The following DCC variants were observed in gnomAD, a reference collection of about 807,000 sequenced individuals.
DCC encodes DCC netrin 1 receptor, also known as netrin receptor DCC.
A neutral mutation model predicts 172.5 loss-of-function variants in DCC; 58 were observed. That is an observed-to-expected ratio of 0.34 (90% CI 0.27 to 0.42). DCC has a LOEUF of 0.42. DCC is among the 10% of genes least tolerant of loss of function. DCC has a pLI of 1.00. For synonymous variants in DCC, 709 were observed against 644.5 expected, an observed-to-expected ratio of 1.10 and a Z score of -1.52; for missense variants, 1,740 against 1,791.0, an observed-to-expected ratio of 0.97 and a Z score of 0.51.
chr18:52,589,116 T>C (rs1007049733), intron 1 of DCC, among the ~76,000 whole-genome samples: 1 of 152,204 alleles, frequency 6.6e-6, no homozygotes, highest in East Asian at 1.9e-4. Context: ...TTGAAAATAA[T>C]GTGACTGATG....
chr18:53,257,169 T>G (rs1182263439), intron 12 of DCC, among the ~76,000 whole-genome samples: 6 of 152,212 alleles, frequency 3.9e-5, no homozygotes, highest in Non-Finnish European at 7.3e-5. Context: ...CAGGGACAAT[T>G]GGACTTCCTC....
chr18:52,851,901 A>G (rs1568145520), intron 2 of DCC, among the ~76,000 whole-genome samples: 1 of 152,142 alleles, frequency 6.6e-6, no homozygotes, highest in Non-Finnish European at 1.5e-5. Context: ...CAGACACCAG[A>G]TAATCATCTT....
intron 15 of DCC, among the ~76,000 whole-genome samples, chr18:53,370,767 T>C (rs2058053041): frequency 6.6e-6 from 1 of 151,890 alleles, no homozygotes; most frequent in East Asian, 1.9e-4. Context: ...TGAAACTTAC[T>C]TAATAGGATA....
At chr18:53,157,550 C>T in intron 8 of DCC, 38 bp downstream of exon 8, 1 of 1,608,720 alleles carries the variant, frequency 6.2e-7, no homozygotes, top group Non-Finnish European at 8.5e-7. Flanking sequence ...CTTAATCGGT[C>T]ATCTCTTTAA....
chr18:52,721,410 G>T (rs1226156179), intron 1 of DCC, among the ~76,000 whole-genome samples: 1 of 152,178 alleles, frequency 6.6e-6, no homozygotes, highest in Non-Finnish European at 1.5e-5. Flanking sequence ...TAACAGGACA[G>T]TGAGGGGTTA....
intron 7 of DCC, among the ~76,000 whole-genome samples, chr18:53,147,680 G>C (rs1474412501): frequency 6.6e-6 from 1 of 152,092 alleles, no homozygotes; most frequent in East Asian, 1.9e-4. Context: ...TTATTATCCT[G>C]TCTATCTGAA....
chr18:53,017,562 G>A (rs2041826560), intron 5 of DCC, among the ~76,000 whole-genome samples: 1 of 152,150 alleles, frequency 6.6e-6, no homozygotes, highest in Non-Finnish European at 1.5e-5. Flanking sequence ...ACTGGGTACA[G>A]GATGCAGTCT....
At chr18:52,638,972 C>A (rs910065383) in intron 1 of DCC, among the ~76,000 whole-genome samples, 1 of 151,904 alleles carries the variant, frequency 6.6e-6, no homozygotes, top group Non-Finnish European at 1.5e-5. Flanking sequence ...TCTCAGACCA[C>A]AGTGGAATAA....
intron 12 of DCC, among the ~76,000 whole-genome samples, chr18:53,269,878 C>T (rs1391588850): frequency 6.6e-6 from 1 of 152,042 alleles, no homozygotes; most frequent in Non-Finnish European, 1.5e-5. Context: ...AGAGGTGAGC[C>T]CCCTAGAGTT....
intron 1 of DCC, among the ~76,000 whole-genome samples, chr18:52,671,007 CT>C (rs1341004961): frequency 6.6e-6 from 1 of 152,158 alleles, no homozygotes; most frequent in African/African-American, 2.4e-5. Context: ...CCAGCAGGGT[CT>C]TTGACATCGG....
At chr18:53,527,887 G>T (rs1014405407) in intron 28 of DCC, among the ~76,000 whole-genome samples, 8 of 151,852 alleles carry the variant, frequency 5.3e-5, no homozygotes, top group African/African-American at 1.4e-4. Flanking sequence ...GAAAAAAGAT[G>T]AAAAGAGCAG....
rs2046555881 is a variant in DCC at position 53,534,725 on chromosome 18, G to T, written c.*4072G>T. The T allele has an allele frequency of 6.6e-6, 1 of 152,068 alleles. No homozygotes were observed. Among genetic ancestry groups the T allele is most frequent in the Non-Finnish European group, 1.5e-5 (1 of 68,000 alleles). The allele number at this position is 152,068 out of a possible 1,614,324, so 9.4% of individuals were successfully genotyped here. A position where few individuals can be genotyped will look rare whatever the true frequency, so the allele number is the denominator to read the frequency against. On this transcript the variant is annotated 3_prime_UTR_variant, in exon 29 of 29. Coordinates refer to ENST00000442544, the MANE Select transcript of DCC (RefSeq NM_005215.4). ...GTATCTTGCTATCTAAATACCTGTT[G>T]CCAAAAAGTATTGATTTGGGAAAAA...
Position 53,137,820 on chromosome 18 carries a change from A to T in DCC, c.1262-19536A>T, listed in dbSNP as rs571671537. Among the ~76,000 whole-genome samples, 10 of 152,132 alleles carry T rather than the reference A, an allele frequency of 6.6e-5. 1 individual carries two copies. In the South Asian group the frequency reaches 2.1e-3, roughly 32 times the overall value. On this transcript the variant is annotated intron_variant, in intron 7 of 28. Coordinates refer to ENST00000442544, the MANE Select transcript of DCC (RefSeq NM_005215.4). ...ATTTTAAATAAGCAAGAATAATATT[A>T]CTATTTTTTTTTCAAGACAAGGTCT...
At chr18:52,669,866 AAAAC>A (rs1239706843) in intron 1 of DCC, among the ~76,000 whole-genome samples, 2 of 149,314 alleles carry the variant, frequency 1.3e-5, no homozygotes, top group East Asian at 2.0e-4. Flanking sequence ...AAAACAAAAC[AAAAC>A]AAAAAACACA....
intron 2 of DCC, among the ~76,000 whole-genome samples, chr18:52,878,451 T>C (rs2039434120): frequency 1.3e-5 from 2 of 152,290 alleles, no homozygotes; most frequent in South Asian, 4.1e-4. Context: ...TGTTACATTG[T>C]CCAAATCACC....
intron 1 of DCC, among the ~76,000 whole-genome samples, chr18:52,676,503 A>G (rs2035648853): frequency 6.6e-6 from 1 of 152,206 alleles, no homozygotes; most frequent in Non-Finnish European, 1.5e-5. Context: ...ATATCTCAGA[A>G]ATTTTTACAA....
At chr18:52,520,520 A>T (rs1186365266) in intron 1 of DCC, among the ~76,000 whole-genome samples, 1 of 152,116 alleles carries the variant, frequency 6.6e-6, no homozygotes, top group Non-Finnish European at 1.5e-5. Context: ...GATGTCCAAG[A>T]TTGTGGATAA....
intron 2 of DCC, among the ~76,000 whole-genome samples, chr18:52,877,135 G>T (rs1423142627): frequency 6.6e-6 from 1 of 152,082 alleles, no homozygotes; most frequent in Non-Finnish European, 1.5e-5. Flanking sequence ...GGTGTGTATT[G>T]GTCTAGGTCA....
At chr18:52,443,531 G>A (rs2144500305) in intron 1 of DCC, among the ~76,000 whole-genome samples, 1 of 152,300 alleles carries the variant, frequency 6.6e-6, no homozygotes, top group Non-Finnish European at 1.5e-5. Context: ...CATGAAGAAT[G>A]CATAGGAGTT....
Sources: allele counts gnomAD v4.1 joint callset (sites outside exome capture counted in the v4.1 genomes callset), GRCh38; gene constraint gnomAD v4.1.1; transcripts MANE v1.5; gene names NCBI Gene and HGNC (gene_info 2026-07-23, HGNC 2026-07-21).